MAP4: variants seen among roughly 807,000 people sequenced by gnomAD.
MAP4 encodes the protein microtubule-associated protein 4.
In MAP4, 76 loss-of-function variants were observed where a neutral mutation model predicts 170.2. The ratio of observed to expected loss-of-function variants is 0.45; its 90% CI spans 0.37 to 0.54. The LOEUF (loss-of-function observed/expected upper bound fraction) is 0.54. Among genes scored for constraint, MAP4 ranks in the 20% least tolerant of loss-of-function variants. The pLI is 0.00. For synonymous variants in MAP4, 909 were observed against 994.5 expected (o/e 0.91, Z 1.62); for missense variants, 2,506 against 2,748.0 (o/e 0.91, Z 1.97).
chr3:47,979,379 A>G (rs1216610478), intron 2 of MAP4, among the ~76,000 whole-genome samples: 1 of 152,080 alleles, frequency 6.6e-6, no homozygotes, highest in Admixed American at 6.6e-5. Flanking sequence ...CATTGGGTTT[A>G]TTTCTGGGCT....
At chr3:47,934,335 T>C (rs531788512) in intron 3 of MAP4, among the ~76,000 whole-genome samples, 2 of 152,314 alleles carry the variant, frequency 1.3e-5, no homozygotes, top group Admixed American at 1.3e-4. Flanking sequence ...CAGCGTCTCC[T>C]TTTGTCTCCC....
chr3:48,068,846 TAGTC>T (rs1248156645), intron 1 of MAP4, among the ~76,000 whole-genome samples: 2 of 152,320 alleles, frequency 1.3e-5, no homozygotes, highest in African/African-American at 4.8e-5. Context: ...TAAATCCACT[TAGTC>T]ATTCATACCT....
intron 1 of MAP4, among the ~76,000 whole-genome samples, chr3:48,042,426 T>G (rs1393441836): frequency 1.3e-5 from 2 of 152,146 alleles, no homozygotes; most frequent in African/African-American, 2.4e-5. Context: ...TACCAAAAAC[T>G]CTGGCAACTT....
Position 47,870,925 on chromosome 3 carries a change from G to T in MAP4, c.6182C>A (p.Thr2061Asn). 6.2e-7 allele frequency: 1 copy of T among 1,614,118 alleles called. No individual in the cohort carries two copies. Among genetic ancestry groups the T allele is most frequent in the Non-Finnish European group, 8.5e-7 (1 of 1,179,984 alleles). Residue 2061 changes from threonine to asparagine, a missense_variant, in exon 15 of 21, where the codon ACC (threonine) becomes AAC (asparagine). This residue lies in a region of MAP4 where 487 missense variants were observed against 511.6 expected (regional missense o/e 0.95). Coordinates refer to ENST00000683076, the MANE Select transcript of MAP4 (RefSeq NM_001385682.1). The part of the protein sequence containing the change: ...KKPTSAKPSS[T>N]TPRLSRLATN... ...GGCCAGGCGGCTGAGCCGGGGGGTG[G>T]TGGAGCTGGGTTTGGCCGAGGTGGG...
rs1292939667 is a variant in MAP4, at chr3:47,911,240, T to C, written c.3181A>G (p.Ser1061Gly). The C allele has an allele frequency of 7.8e-6, 12 of 1,536,102 alleles. No individual in the cohort carries two copies. Among genetic ancestry groups the C allele is most frequent in the Non-Finnish European group, 1.0e-5 (12 of 1,146,906 alleles). The change falls in exon 9 of 21, where the codon AGC becomes GGC. Residue 1061 changes from serine to glycine, a missense_variant. Ser to Gly is a moderately conservative substitution (Grantham distance 56). Around this residue, in one of 3 missense-constraint regions of MAP4, gnomAD observed 2,008 missense variants for 2,206.0 expected, o/e 0.91. Coordinates refer to ENST00000683076, the MANE Select transcript of MAP4 (RefSeq NM_001385682.1). This position sits in a 1 kb window ranked among gnomAD's most constrained non-coding sequence, Gnocchi z 4.0. ...CCAGAACTTCCCCTTCCCTTCCTGCTTTTGCCATCACCTGCCATTCTCTTA... is the reference window on the plus strand; with the variant it reads ...CCAGAACTTCCCCTTCCCTTCCTGCCTTTGCCATCACCTGCCATTCTCTTA... ...PFKRMAGDGK[S>G]RKGRGSSGKM...
intron 2 of MAP4, among the ~76,000 whole-genome samples, chr3:47,991,961 G>A (rs1224179436): frequency 5.9e-5 from 9 of 151,384 alleles, no homozygotes; most frequent in Non-Finnish European, 1.0e-4. Flanking sequence ...GTGAACCACC[G>A]CGCCCAGTAA....
At chr3:48,059,616 A>G (rs1461648199) in intron 1 of MAP4, among the ~76,000 whole-genome samples, 8 of 151,960 alleles carry the variant, frequency 5.3e-5, no homozygotes, top group Non-Finnish European at 7.4e-5. Flanking sequence ...ATATGAACAC[A>G]TGAAATCTTA....
At chr3:48,055,896 A>G (rs2100130955) in intron 1 of MAP4, among the ~76,000 whole-genome samples, 1 of 50,558 alleles carries the variant, frequency 2.0e-5, no homozygotes, top group East Asian at 7.0e-4. Context: ...CCCGGCCGAG[A>G]CCCCGTCTGG....
chr3:47,930,785 C>G (rs993696566), intron 3 of MAP4, among the ~76,000 whole-genome samples: 2 of 151,672 alleles, frequency 1.3e-5, no homozygotes, highest in Non-Finnish European at 1.5e-5. Flanking sequence ...AAAAATTAGC[C>G]GGGCATGGTG....
chr3:48,084,254 C>T (rs111342053), intron 1 of MAP4, among the ~76,000 whole-genome samples: 1,847 of 150,648 alleles, frequency 0.012, 40 homozygotes, highest in African/African-American at 0.042. Context: ...AAAAGTTAGC[C>T]AGGTGTGATG....
chr3:47,940,784 T>C (rs934593201), intron 3 of MAP4, among the ~76,000 whole-genome samples: 1 of 152,190 alleles, frequency 6.6e-6, no homozygotes, highest in East Asian at 1.9e-4. Context: ...AAACAACCTT[T>C]AAGAAACTAC....
At chr3:47,882,203 T>C (rs1395469370) in intron 10 of MAP4, among the ~76,000 whole-genome samples, 1 of 152,082 alleles carries the variant, frequency 6.6e-6, no homozygotes, top group Non-Finnish European at 1.5e-5. Context: ...CGCTTGAACC[T>C]GGGAAGTGAA....
At chr3:47,866,968 C>T (rs2081549642) in intron 17 of MAP4, among the ~76,000 whole-genome samples, 1 of 152,086 alleles carries the variant, frequency 6.6e-6, no homozygotes, top group East Asian at 1.9e-4. Context: ...GTGCTCAGAC[C>T]CAGGCTCTGA....
At chr3:48,066,549 A>G (rs1424983749) in intron 1 of MAP4, among the ~76,000 whole-genome samples, 1 of 152,032 alleles carries the variant, frequency 6.6e-6, no homozygotes. Context: ...GCTGGAGTGC[A>G]GAGGCGCAAT....
At chr3:48,077,907 T>C (rs1052877920) in intron 1 of MAP4, among the ~76,000 whole-genome samples, 11 of 152,176 alleles carry the variant, frequency 7.2e-5, no homozygotes, top group Non-Finnish European at 1.3e-4. Context: ...AAAAGCATTA[T>C]GCTAAATGAA....
Position 47,855,259 on chromosome 3 carries a change from C to G in MAP4, c.6685G>C (p.Gly2229Arg). 1 of 1,613,248 alleles carries G rather than the reference C, an allele frequency of 6.2e-7. No individual in the cohort carries two copies. The highest frequency in any genetic ancestry group is 1.1e-5 in the South Asian group (1 of 91,066). Residue 2229 changes from glycine to arginine, a missense_variant, in exon 19 of 21, where the codon GGT (glycine) becomes CGT (arginine). Gly to Arg is a moderately radical substitution (Grantham distance 125). Around this residue, in one of 3 missense-constraint regions of MAP4, gnomAD observed 487 missense variants for 511.6 expected, o/e 0.95. Coordinates refer to ENST00000683076, the MANE Select transcript of MAP4 (RefSeq NM_001385682.1). The surrounding 1 kb of genome is among the most constrained non-coding windows in gnomAD (Gnocchi z 5.1). ...GACCCACTCGCTACCTTCACAGCACCTCCTGCAGGTAGGTGGCCCACATTA... is the reference window on the plus strand; with the variant it reads ...GACCCACTCGCTACCTTCACAGCACGTCCTGCAGGTAGGTGGCCCACATTA... Reference protein sequence around the residue: ...LDNVGHLPAGGAVKTEGGGSE... With the variant: ...LDNVGHLPAGRAVKTEGGGSE...
intron 17 of MAP4, among the ~76,000 whole-genome samples, chr3:47,859,105 G>T (rs1253433081): frequency 2.0e-5 from 3 of 152,062 alleles, no homozygotes; most frequent in Non-Finnish European, 4.4e-5. Flanking sequence ...CTCCAGCCTG[G>T]GCAACAGAAA....
At chr3:47,939,121 C>T (rs1016547685) in intron 3 of MAP4, among the ~76,000 whole-genome samples, 4 of 152,176 alleles carry the variant, frequency 2.6e-5, no homozygotes, top group Non-Finnish European at 5.9e-5. Context: ...AATGTCTCCT[C>T]CCTGATCCAA....
At chr3:47,906,638 A>G (rs2100033197) in intron 9 of MAP4, among the ~76,000 whole-genome samples, 1 of 151,536 alleles carries the variant, frequency 6.6e-6, no homozygotes, top group Non-Finnish European at 1.5e-5. Context: ...AACTGAGATC[A>G]TGCCATTGCA....
Sources: gnomAD v4.1 joint callset for allele counts (sites outside exome capture counted in the v4.1 genomes callset) on GRCh38, gnomAD v4.1.1 for gene constraint, gnomAD v4.1.1 regional missense constraint, Gnocchi (gnomAD v3.1) non-coding constraint, MANE v1.5 for transcripts, NCBI Gene and HGNC (gene_info 2026-07-23, HGNC 2026-07-21) for gene names.